Variants in CELF4 observed in about 807,000 individuals in gnomAD.
CELF4 encodes the protein CUGBP Elav-like family member 4.
A neutral mutation model predicts 59.9 loss-of-function variants in CELF4; 18 were observed. The observed-to-expected ratio is 0.30, with a 90% confidence interval of 0.21 to 0.45. The LOEUF is 0.45. Ranked by LOEUF, CELF4 falls within the 20% of genes least tolerant of loss-of-function variation. The probability of loss-of-function intolerance (pLI) is 1.00; values close to 1 mark genes in which losing one functional copy is unlikely to be tolerated. For synonymous variants in CELF4, 261 were observed against 267.1 expected (o/e 0.98, Z 0.22); for missense variants, 456 against 689.0 (o/e 0.66, Z 3.79).
intron 2 of CELF4, among the ~76,000 whole-genome samples, chr18:37,408,501 GCGC>G (rs377360373): frequency 0.66 from 79,622 of 120,522 alleles, 27,719 homozygotes; most frequent in South Asian, 0.87. Flanking sequence ...CCGGGGGGGG[GCGC>G]GGTGCAGGAG....
intron 2 of CELF4, among the ~76,000 whole-genome samples, chr18:37,447,901 G>A (rs1226935212): frequency 6.6e-6 from 1 of 152,102 alleles, no homozygotes; most frequent in East Asian, 1.9e-4. Flanking sequence ...GCACCACTGG[G>A]TGACCATCCC....
intron 2 of CELF4, among the ~76,000 whole-genome samples, chr18:37,343,757 G>A (rs1483499355): frequency 2.0e-5 from 3 of 151,982 alleles, no homozygotes; most frequent in Non-Finnish European, 2.9e-5. Context: ...CGTGCCCTGC[G>A]AACCTTGGCT....
chr18:37,501,476 T>C (rs1415672515), intron 1 of CELF4, among the ~76,000 whole-genome samples: 1 of 152,196 alleles, frequency 6.6e-6, no homozygotes, highest in African/African-American at 2.4e-5. Flanking sequence ...TGTTAATTGC[T>C]CAGCCCTGGC....
At chr18:37,301,546 A>T (rs943912770) in intron 3 of CELF4, among the ~76,000 whole-genome samples, 1 of 152,174 alleles carries the variant, frequency 6.6e-6, no homozygotes, top group Admixed American at 6.5e-5. Flanking sequence ...CGTGCCAGGC[A>T]TGGGGCTGGA....
chr18:37,308,547 A>T (rs1352456095), intron 3 of CELF4, among the ~76,000 whole-genome samples: 1 of 152,106 alleles, frequency 6.6e-6, no homozygotes, highest in Non-Finnish European at 1.5e-5. Flanking sequence ...CCAGACTGTA[A>T]GCTTCTCTAG....
intron 1 of CELF4, among the ~76,000 whole-genome samples, chr18:37,549,389 C>T (rs1392157496): frequency 1.3e-5 from 2 of 152,166 alleles, no homozygotes; most frequent in Non-Finnish European, 2.9e-5. Context: ...AACTCCTACT[C>T]CTTGAACGAA....
chr18:37,434,618 G>A (rs1484788118), intron 2 of CELF4, among the ~76,000 whole-genome samples: 1 of 152,150 alleles, frequency 6.6e-6, no homozygotes, highest in Non-Finnish European at 1.5e-5. Context: ...TCCCTGGTGG[G>A]GTGAATGAGC....
rs2098545501 is a variant in CELF4, at chr18:37,355,353, AC to A, written c.370-33473del. 2.6e-5 allele frequency among the ~76,000 whole-genome samples: 4 copies of A among 152,156 alleles called. No individual in the cohort carries two copies. In the South Asian group the frequency reaches 8.3e-4, roughly 32 times the overall value. On this transcript the variant is annotated intron_variant, in intron 2 of 12. Transcript: ENST00000420428. ...TGTGTGTGCAGGTACATGTGGTGTA[AC>A]ATGGAAAGCTATAAACTTTAAACTG...
chr18:37,523,379 G>T (rs957046469), intron 1 of CELF4, among the ~76,000 whole-genome samples: 5 of 152,200 alleles, frequency 3.3e-5, no homozygotes, highest in Admixed American at 1.3e-4. Context: ...CCCCTCCAGG[G>T]GTAGACATGC....
At chr18:37,417,691 G>C (rs1359266067) in intron 2 of CELF4, among the ~76,000 whole-genome samples, 6 of 152,186 alleles carry the variant, frequency 3.9e-5, no homozygotes, top group Non-Finnish European at 8.8e-5. Flanking sequence ...GGGTCAGTAG[G>C]ACAGTATCCT....
At chr18:37,289,951 C>T (rs893452368) in intron 3 of CELF4, among the ~76,000 whole-genome samples, 1 of 152,208 alleles carries the variant, frequency 6.6e-6, no homozygotes, top group African/African-American at 2.4e-5. Context: ...CTCCACATGA[C>T]TGATTTTGCC....
intron 2 of CELF4, among the ~76,000 whole-genome samples, chr18:37,379,418 C>G (rs1421180271): frequency 7.7e-6 from 1 of 130,470 alleles, no homozygotes; most frequent in Non-Finnish European, 1.5e-5. Flanking sequence ...TGCTGGCTGC[C>G]TTTTGTAGGC....
chr18:37,470,887 T>TGTGTGAGAGAGAGAGAGAGAGA (rs1325788685), intron 2 of CELF4, among the ~76,000 whole-genome samples: 4 of 71,926 alleles, frequency 5.6e-5, no homozygotes, highest in African/African-American at 1.1e-4. Context: ...TGTGTGTGTG[T>TGTGTGAGAGAGAGAGAGAGAGA]GACAGAGAGA....
intron 2 of CELF4, among the ~76,000 whole-genome samples, chr18:37,354,455 AC>A (rs2098526984): frequency 6.6e-6 from 1 of 152,150 alleles, no homozygotes; most frequent in Non-Finnish European, 1.5e-5. Flanking sequence ...ACTGAGAGCC[AC>A]CTCTGTGAGT....
intron 1 of CELF4, among the ~76,000 whole-genome samples, chr18:37,528,125 G>C (rs1028226564): frequency 6.6e-6 from 1 of 152,178 alleles, no homozygotes; most frequent in Non-Finnish European, 1.5e-5. Context: ...AATATCAGGG[G>C]AAAATTGGAA....
intron 2 of CELF4, among the ~76,000 whole-genome samples, chr18:37,444,182 C>T (rs1463826448): frequency 6.6e-6 from 1 of 152,046 alleles, no homozygotes; most frequent in Non-Finnish European, 1.5e-5. Flanking sequence ...TGTGTGAGAC[C>T]CTGACCCTGA....
At chr18:37,263,598 C>T (rs904935330) in intron 10 of CELF4, among the ~76,000 whole-genome samples, 1 of 152,060 alleles carries the variant, frequency 6.6e-6, no homozygotes. Context: ...AGACGGTGCG[C>T]CTGTTCATCC....
At chr18:37,273,575 G>A (rs961162467) in intron 6 of CELF4, 62 of 993,898 alleles carry the variant, frequency 6.2e-5, no homozygotes, top group Middle Eastern at 5.1e-4. Context: ...TTTGGAGTCT[G>A]TTGGTAGAAG....
intron 2 of CELF4, among the ~76,000 whole-genome samples, chr18:37,466,368 C>T (rs571030878): frequency 4.1e-4 from 53 of 129,014 alleles, no homozygotes; most frequent in African/African-American, 1.6e-3. Flanking sequence ...AGTTTGATGC[C>T]TAAAAGGAAA....
Sources: allele counts gnomAD v4.1 joint callset (sites outside exome capture counted in the v4.1 genomes callset), GRCh38; gene constraint gnomAD v4.1.1; transcripts MANE v1.5; gene names NCBI Gene and HGNC (gene_info 2026-07-23, HGNC 2026-07-21).